PLEKHA5: variants seen among roughly 807,000 people sequenced by gnomAD.
PLEKHA5 encodes the protein pleckstrin homology domain-containing family A member 5.
Under a neutral mutation model 181.9 loss-of-function variants are expected in PLEKHA5, and 55 were observed. The observed-to-expected ratio is 0.30, with a 90% CI of 0.24 to 0.38. The LOEUF (loss-of-function observed/expected upper bound fraction) is 0.38. Ranked by LOEUF, PLEKHA5 falls within the 10% of genes least tolerant of loss-of-function variation. The pLI is 1.00. For missense variants in PLEKHA5, 1,432 were observed against 1,549.5 expected, an observed-to-expected ratio of 0.92 and a Z score of 1.27; for synonymous variants, 535 against 529.4, an observed-to-expected ratio of 1.01 and a Z score of -0.15.
At chr12:19,221,144 G>A (rs2058873068) in intron 3 of PLEKHA5, among the ~76,000 whole-genome samples, 1 of 152,236 alleles carries the variant, frequency 6.6e-6, no homozygotes, top group East Asian at 1.9e-4. Flanking sequence ...ATGCTCCTAG[G>A]TATTTCCCCA....
At chr12:19,337,295 A>G (rs993562314) in intron 21 of PLEKHA5, among the ~76,000 whole-genome samples, 4 of 152,140 alleles carry the variant, frequency 2.6e-5, no homozygotes, top group Admixed American at 2.6e-4. Flanking sequence ...GCTCACGCCT[A>G]TAGTCCCAGC....
intron 25 of PLEKHA5, among the ~76,000 whole-genome samples, chr12:19,348,847 A>G (rs1029732750): frequency 6.6e-6 from 1 of 152,122 alleles, no homozygotes; most frequent in Non-Finnish European, 1.5e-5. Flanking sequence ...CCTGAATCCC[A>G]GTTACCCGGG....
In PLEKHA5 at chr12:19,347,262, ACT is replaced by A. The variant is rs1491259046; in HGVS notation, c.2898+81_2898+82del. 1.3e-3 allele frequency: 1,082 copies of A among 831,362 alleles called. 5 individuals are homozygous for A. The highest frequency in any genetic ancestry group is 8.3e-3 in the Middle Eastern group (22 of 2,636). 51.5% of individuals were successfully genotyped at this position (831,362 alleles called of 1,614,324 possible). ...GAAAATTAATTTATTTTACACTCAA[ACT>A]TTTTTTTTATTATAACCTTTATAAC... On this transcript the variant is annotated intron_variant, in intron 24 of 31. Coordinates refer to ENST00000429027, the MANE Select transcript of PLEKHA5 (RefSeq NM_001256470.2).
chr12:19,364,671 T>G (rs896118805), intron 29 of PLEKHA5, among the ~76,000 whole-genome samples: 6 of 151,268 alleles, frequency 4.0e-5, no homozygotes, highest in Non-Finnish European at 7.4e-5. Flanking sequence ...TAATGTTTGT[T>G]TTTTTTTTGA....
At chr12:19,137,125 C>T (rs1489815840) in intron 3 of PLEKHA5, among the ~76,000 whole-genome samples, 8 of 152,002 alleles carry the variant, frequency 5.3e-5, no homozygotes, top group Non-Finnish European at 1.0e-4. Context: ...GTCCACCTCC[C>T]GGGTTCAAGC....
intron 3 of PLEKHA5, chr12:19,146,927 A>T (rs2039072343): frequency 6.6e-6 from 1 of 152,204 alleles, no homozygotes; most frequent in South Asian, 2.1e-4. Flanking sequence ...GGAGAGGATA[A>T]TTCTTGTCTT....
intron 3 of PLEKHA5, among the ~76,000 whole-genome samples, chr12:19,180,987 A>C (rs960014218): frequency 1.3e-5 from 2 of 151,648 alleles, no homozygotes; most frequent in Non-Finnish European, 2.9e-5. Context: ...ATTCAGAACC[A>C]CCATTCTAAA....
chr12:19,232,789 A>T (rs549459407), intron 3 of PLEKHA5, among the ~76,000 whole-genome samples: 205 of 152,278 alleles, frequency 1.3e-3, no homozygotes, highest in African/African-American at 4.8e-3. Context: ...CAACCCTTGA[A>T]CATTTCTTGG....
At chr12:19,258,697 T>C (rs1316012748) in intron 6 of PLEKHA5, among the ~76,000 whole-genome samples, 4 of 151,952 alleles carry the variant, frequency 2.6e-5, no homozygotes, top group Non-Finnish European at 5.9e-5. Flanking sequence ...CACGAGTAGC[T>C]GGGATTACTG....
chr12:19,139,070 A>C (rs1281667101), intron 3 of PLEKHA5, among the ~76,000 whole-genome samples: 1 of 150,154 alleles, frequency 6.7e-6, no homozygotes, highest in Non-Finnish European at 1.5e-5. Context: ...TTGGGTAGTT[A>C]CTTGAACTAA....
At chr12:19,286,971 C>A (rs10161507) in intron 12 of PLEKHA5, among the ~76,000 whole-genome samples, 134,119 of 145,906 alleles carry the variant, frequency 0.92, 62,188 homozygotes, top group Non-Finnish European at 0.99. Flanking sequence ...CTTCAAAAAA[C>A]AAAAAAAAAA....
At chr12:19,193,953 A>G (rs1487250681) in intron 3 of PLEKHA5, among the ~76,000 whole-genome samples, 2 of 151,910 alleles carry the variant, frequency 1.3e-5, no homozygotes, top group African/African-American at 4.8e-5. Context: ...CACACTTTTA[A>G]CAACCAGATC....
At chr12:19,221,643 A>G (rs113324302) in intron 3 of PLEKHA5, among the ~76,000 whole-genome samples, 11 of 152,304 alleles carry the variant, frequency 7.2e-5, no homozygotes, top group African/African-American at 2.4e-4. Flanking sequence ...GGGATGTCAA[A>G]GGAGATCCCA....
intron 11 of PLEKHA5, among the ~76,000 whole-genome samples, chr12:19,277,306 T>C (rs2074853753): frequency 6.6e-6 from 1 of 152,184 alleles, no homozygotes; most frequent in African/African-American, 2.4e-5. Flanking sequence ...AAAATCATAC[T>C]TTCTTAAGTT....
intron 3 of PLEKHA5, chr12:19,152,994 T>A (rs1438652231): frequency 3.4e-5 from 1 of 29,580 alleles, no homozygotes. Flanking sequence ...TTAACACAGG[T>A]TTTTTGTTTT....
rs2094440436 is a variant in PLEKHA5 at position 19,348,386 on chromosome 12, T to C, written c.2899-13T>C. ...AGCAGTTTTTTAGGGTAATTACATG[T>C]CTTCCTTTCAAGGGTCCAGATTATA... is the stretch of plus-strand genomic sequence containing the variant. On this transcript the variant is annotated splice_polypyrimidine_tract_variant and intron_variant, in intron 24 of 31. Coordinates refer to ENST00000429027, the MANE Select transcript of PLEKHA5 (RefSeq NM_001256470.2). 11 of 1,563,376 alleles carry C rather than the reference T, an allele frequency of 7.0e-6. No individual in the cohort carries two copies. Among genetic ancestry groups the C allele is most frequent in the Non-Finnish European group, 9.5e-6 (11 of 1,159,500 alleles).
At chr12:19,291,836 C>A (rs1306223422) in intron 15 of PLEKHA5, 139 bp downstream of exon 15, 22 of 537,710 alleles carry the variant, frequency 4.1e-5, no homozygotes, top group Middle Eastern at 4.9e-4. Flanking sequence ...TATGAAATCT[C>A]TGACCAGGTG....
chr12:19,168,689 A>G (rs1271056255), intron 3 of PLEKHA5, among the ~76,000 whole-genome samples: 1 of 152,216 alleles, frequency 6.6e-6, no homozygotes, highest in African/African-American at 2.4e-5. Context: ...ACTACAAATA[A>G]TAACAGCAAT....
chr12:19,200,525 C>T (rs1247807682), intron 3 of PLEKHA5: 3 of 1,340,702 alleles, frequency 2.2e-6, no homozygotes, highest in Admixed American at 3.2e-5. Context: ...TGATTACTCA[C>T]CTCAGAATGC....
Sources: gnomAD v4.1 joint callset for allele counts (sites outside exome capture counted in the v4.1 genomes callset) on GRCh38, gnomAD v4.1.1 for gene constraint, MANE v1.5 for transcripts, NCBI Gene and HGNC (gene_info 2026-07-23, HGNC 2026-07-21) for gene names.